LRRC27: variants seen among roughly 807,000 people sequenced by gnomAD.
The protein encoded by LRRC27 is leucine rich repeat containing 27.
Under a neutral mutation model 55.0 loss-of-function variants are expected in LRRC27, and 57 were observed. The ratio of observed to expected loss-of-function variants is 1.04; its 90% CI spans 0.84 to 1.29. LRRC27 has a LOEUF of 1.29. LRRC27 is among the 50% of genes most tolerant of loss of function. The pLI, the probability that LRRC27 is intolerant of heterozygous loss-of-function variation, is 0.00. For synonymous variants in LRRC27, 278 were observed against 251.9 expected, an observed-to-expected ratio of 1.10 and a Z score of -0.98; for missense variants, 721 against 651.5, an observed-to-expected ratio of 1.11 and a Z score of -1.16.
intron 9 of LRRC27, among the ~76,000 whole-genome samples, chr10:132,364,843 C>CTTACACCCACGCTTACATCTACCT (rs1564855237): frequency 8.7e-6 from 1 of 115,380 alleles, no homozygotes; most frequent in African/African-American, 2.9e-5. Flanking sequence ...CACGCCCACA[C>CTTACACCCACGCTTACATCTACCT]CCTGGGGCCC....
At chr10:132,365,806 C>T (rs191685136) in intron 10 of LRRC27, among the ~76,000 whole-genome samples, 1 of 152,288 alleles carries the variant, frequency 6.6e-6, no homozygotes, top group African/African-American at 2.4e-5. Context: ...GCCATGTTGG[C>T]CAGCCTTGTC....
At chr10:132,331,922 C>T, upstream of LRRC27, 2 of 694,252 alleles carry the variant, frequency 2.9e-6, no homozygotes, top group Non-Finnish European at 4.4e-6. Context: ...CACAACCCCC[C>T]CACCGCAAGC....
rs1227388661 is a variant in LRRC27, at chr10:132,380,589, G to T, written c.*5347G>T. 6.6e-6 allele frequency among the ~76,000 whole-genome samples: 1 copy of T among 152,166 alleles called. No individual in the cohort carries two copies. The highest frequency in any genetic ancestry group is 1.5e-5 in the Non-Finnish European group (1 of 68,024). ...CAGGAGGATCCCTTGAGCCCAGGAGGTCGAGGCTGCAGTGAGCTGTGATTG... is the reference window on the plus strand; with the variant it reads ...CAGGAGGATCCCTTGAGCCCAGGAGTTCGAGGCTGCAGTGAGCTGTGATTG... On this transcript the variant is annotated 3_prime_UTR_variant, in exon 11 of 11. Coordinates refer to ENST00000368614, the MANE Select transcript of LRRC27 (RefSeq NM_030626.3).
Position 132,372,586 on chromosome 10 carries a change from C to T in LRRC27, c.1417-2480C>T, listed in dbSNP as rs1054393618. 6.6e-6 allele frequency among the ~76,000 whole-genome samples: 1 copy of T among 152,080 alleles called. No homozygotes were observed. The highest frequency in any genetic ancestry group is 6.6e-5 in the Admixed American group (1 of 15,260). On this transcript the variant is annotated intron_variant, in intron 10 of 10. Coordinates refer to ENST00000368614, the MANE Select transcript of LRRC27 (RefSeq NM_030626.3). The surrounding 1 kb of genome is among the most constrained non-coding windows in gnomAD (Gnocchi z 4.0). ...TCCATTTCAAAAAACAAAAAGGAAG[C>T]GGAGTCTATACAGGTCACGCCAGGG...
rs1385174049 is a variant in LRRC27 at position 132,377,305 on chromosome 10, ATTC to A, written c.*2069_*2071del. 3.3e-5 allele frequency: 5 copies of A among 151,654 alleles called. No homozygotes were observed. The highest frequency in any genetic ancestry group is 1.2e-4 in the African/African-American group (5 of 41,216). The allele number at this position is 151,654 out of a possible 1,614,324, so 9.4% of individuals were successfully genotyped here. ...CCCATCTCATGTTTTTATTCCCTTT[ATTC>A]TTCTTTTGCTGCTTTCTGATAGTGA... On this transcript the variant is annotated 3_prime_UTR_variant, in exon 11 of 11. Transcript: ENST00000368614.
At chr10:132,358,991 GAA>G in intron 8 of LRRC27, among the ~76,000 whole-genome samples, 1 of 60,490 alleles carries the variant, frequency 1.7e-5, no homozygotes, top group African/African-American at 6.8e-5. Flanking sequence ...TGGAGCGTGG[GAA>G]GGAGCCGAGG....
At chr10:132,371,631 C>T (rs1209430013) in intron 10 of LRRC27, among the ~76,000 whole-genome samples, 1 of 152,222 alleles carries the variant, frequency 6.6e-6, no homozygotes, top group Non-Finnish European at 1.5e-5. Context: ...CAGCTGGGCA[C>T]AGGCTGCCCC....
chr10:132,374,988 G>A lies in LRRC27; in HGVS notation c.1417-78G>A. The stretch of plus-strand genomic sequence containing the variant: ...GCCCACATGGCCTGGGCCCCACGTG[G>A]AATCTGAGCCAGAGACGTGGTGACG... On this transcript the variant is annotated intron_variant, in intron 10 of 10. Coordinates refer to ENST00000368614, the MANE Select transcript of LRRC27 (RefSeq NM_030626.3). The surrounding 1 kb of genome is among the most constrained non-coding windows in gnomAD (Gnocchi z 4.4). 1 of 1,452,382 alleles carries A rather than the reference G, an allele frequency of 6.9e-7. No homozygotes were observed. Among genetic ancestry groups the A allele is most frequent in the Non-Finnish European group, 9.4e-7 (1 of 1,065,970 alleles). The allele number at this position is 1,452,382 out of a possible 1,614,324, so 90.0% of individuals were successfully genotyped here.
chr10:132,336,615 C>T lies in LRRC27; in HGVS notation c.211-950C>T, dbSNP rs143099985. ...CAACGTAATCACAACAGCCAATCCACGCACTGTTCTTTAGTGCTTGCCCAC... is the reference window on the plus strand; with the variant it reads ...CAACGTAATCACAACAGCCAATCCATGCACTGTTCTTTAGTGCTTGCCCAC... On this transcript the variant is annotated intron_variant, in intron 2 of 10. Coordinates refer to ENST00000368614, the MANE Select transcript of LRRC27 (RefSeq NM_030626.3). 17 of 618,378 alleles carry T rather than the reference C, an allele frequency of 2.7e-5. No homozygotes were observed. The East Asian group carries it at 3.3e-4, about 12-fold the overall frequency. The allele number at this position is 618,378 out of a possible 1,614,324, so 38.3% of individuals were successfully genotyped here.
Position 132,377,392 on chromosome 10 carries a change from T to C in LRRC27, c.*2150T>C, listed in dbSNP as rs1228833731. ...TTTTAGTAATATCTTTTAATATTAT[T>C]CTCTTGGGTGTTGCCTTAGAGATTT... On this transcript the variant is annotated 3_prime_UTR_variant, in exon 11 of 11. Coordinates refer to ENST00000368614, the MANE Select transcript of LRRC27 (RefSeq NM_030626.3). 2 of 152,190 alleles carry C rather than the reference T, an allele frequency of 1.3e-5. No individual in the cohort carries two copies. Among genetic ancestry groups the C allele is most frequent in the Non-Finnish European group, 2.9e-5 (2 of 68,032 alleles). The allele number at this position is 152,190 out of a possible 1,614,324, so 9.4% of individuals were successfully genotyped here.
intron 5 of LRRC27, among the ~76,000 whole-genome samples, chr10:132,346,137 G>A (rs1244645219): frequency 6.6e-6 from 1 of 152,218 alleles, no homozygotes; most frequent in Admixed American, 6.5e-5. Context: ...AGAGAGGCGA[G>A]GGCGGGTAGG....
rs1008133354 is a variant in LRRC27 at position 132,380,142 on chromosome 10, A to C, written c.*4900A>C. Among the ~76,000 whole-genome samples, 2 of 152,084 alleles carry C rather than the reference A, an allele frequency of 1.3e-5. No homozygotes were observed. Among genetic ancestry groups the C allele is most frequent in the Non-Finnish European group, 2.9e-5 (2 of 68,000 alleles). ...AGAAACCCCGTGACTACTAAAAATA[A>C]AAAATTAGCCAGGCATGGTGGCACA... On this transcript the variant is annotated 3_prime_UTR_variant, in exon 11 of 11. Transcript: ENST00000368614.
At chr10:132,340,092 C>T (rs1208469074) in intron 3 of LRRC27, among the ~76,000 whole-genome samples, 1 of 152,170 alleles carries the variant, frequency 6.6e-6, no homozygotes, top group African/African-American at 2.4e-5. Context: ...TGTCAGCTTG[C>T]TGGCAGAGAG....
At position 132,364,393 on chromosome 10, in the gene LRRC27, C is replaced by CCACACTCACACCCACG. The variant is rs2068830323; in HGVS notation, c.1290-1030_1290-1029insACACTCACACCCACGC. 3.1e-3 allele frequency among the ~76,000 whole-genome samples: 27 copies of CCACACTCACACCCACG among 8,644 alleles called. 1 individual carries two copies. Among genetic ancestry groups the CCACACTCACACCCACG allele is most frequent in the African/African-American group, 0.012 (27 of 2,304 alleles). 5.7% of individuals were successfully genotyped at this position (8,644 alleles called of 152,430 possible). A position where few individuals can be genotyped will look rare whatever the true frequency, so the allele number is the denominator to read the frequency against. On this transcript the variant is annotated intron_variant, in intron 9 of 10. Coordinates refer to ENST00000368614, the MANE Select transcript of LRRC27 (RefSeq NM_030626.3). ...TACACCCACCCACACTTACACCCACCCTTACATCTACCTCCACACCCGCGC... is the reference window on the plus strand; with the variant it reads ...TACACCCACCCACACTTACACCCACCCACACTCACACCCACGCTTACATCTACCTCCACACCCGCGC...
Position 132,365,484 on chromosome 10 carries a change from G to A in LRRC27, c.1350G>A (p.Glu450=). The A allele has an allele frequency of 1.2e-6, 2 of 1,613,694 alleles. No homozygotes were observed. Among genetic ancestry groups the A allele is most frequent in the Non-Finnish European group, 1.7e-6 (2 of 1,179,980 alleles). ...KIKQHVLQMR[E]QRRFHGQAPL... The stretch of plus-strand genomic sequence containing the variant: ...AACAGCACGTCCTCCAAATGCGTGA[G>A]CAAAGAAGATTCCATGGCCAGGCCC... The change falls in exon 10 of 11, where the codon GAG becomes GAA. Residue 450 remains glutamate, a synonymous_variant. Coordinates refer to ENST00000368614, the MANE Select transcript of LRRC27 (RefSeq NM_030626.3).
Position 132,333,599 on chromosome 10 carries a change from G to A in LRRC27, c.75G>A (p.Arg25=), listed in dbSNP as rs1214547844. The A allele has an allele frequency of 1.9e-6, 3 of 1,612,616 alleles. No homozygotes were observed. The highest frequency in any genetic ancestry group is 3.3e-5 in the Admixed American group (2 of 60,016). ...TGGAGGAGGGTGCTGGTCAGACTAG[G>A]AGCTTGCCTGCCACCCCCTCCAAAG... ...ADLEEGAGQT[R]SLPATPSKDV... Residue 25 remains arginine (R), a synonymous_variant, in exon 2 of 11, where the codon AGG becomes AGA. Transcript: ENST00000368614.
rs1033276005 is a variant in LRRC27 at position 132,378,576 on chromosome 10, G to A, written c.*3334G>A. 1 of 152,208 alleles carries A rather than the reference G, an allele frequency of 6.6e-6. No homozygotes were observed. Among genetic ancestry groups the A allele is most frequent in the African/African-American group, 2.4e-5 (1 of 41,434 alleles). The allele number at this position is 152,208 out of a possible 1,614,324, so 9.4% of individuals were successfully genotyped here. ...AACCTGCACGTCTCTTCTGTCATGT[G>A]TTCTATTTTTCATTCCTCTCTGTAC... On this transcript the variant is annotated 3_prime_UTR_variant, in exon 11 of 11. Coordinates refer to ENST00000368614, the MANE Select transcript of LRRC27 (RefSeq NM_030626.3).
intron 9 of LRRC27, among the ~76,000 whole-genome samples, chr10:132,364,062 G>A (rs547141150): frequency 9.9e-4 from 150 of 152,076 alleles, no homozygotes; most frequent in African/African-American, 3.4e-3. Context: ...ACAGTGGCCC[G>A]CTAACCCCCC....
At chr10:132,358,270 T>C (rs1475432086) in intron 8 of LRRC27, among the ~76,000 whole-genome samples, 2 of 151,944 alleles carry the variant, frequency 1.3e-5, no homozygotes, top group Admixed American at 6.6e-5. Context: ...GTGAGGCGCC[T>C]GTGTGGTCGG....
Sources: allele counts gnomAD v4.1 joint callset (sites outside exome capture counted in the v4.1 genomes callset), GRCh38; gene constraint gnomAD v4.1.1; non-coding constraint Gnocchi (gnomAD v3.1); transcripts MANE v1.5; gene names NCBI Gene and HGNC (gene_info 2026-07-23, HGNC 2026-07-21).